The following ARHGAP22 variants were observed in gnomAD, a reference collection of about 807,000 sequenced individuals.
The protein encoded by ARHGAP22 is Rho GTPase activating protein 22.
Under a neutral mutation model 59.1 loss-of-function variants are expected in ARHGAP22, and 48 were observed. That is an observed-to-expected ratio of 0.81 (90% CI 0.64 to 1.03). ARHGAP22 has a LOEUF of 1.03. Ranked by LOEUF, ARHGAP22 falls within the 50% of genes least tolerant of loss-of-function variation. The pLI is 0.00. For synonymous variants in ARHGAP22, 445 were observed against 416.4 expected, an observed-to-expected ratio of 1.07 and a Z score of -0.84; for missense variants, 1,015 against 958.7, an observed-to-expected ratio of 1.06 and a Z score of -0.78.
At chr10:48,546,637 T>G (rs1197651163) in intron 3 of ARHGAP22, 2 of 171,308 alleles carry the variant, frequency 1.2e-5, no homozygotes. Flanking sequence ...TGTACATTTC[T>G]GGTGGCTCTG....
intron 4 of ARHGAP22, among the ~76,000 whole-genome samples, chr10:48,475,249 CT>C (rs1191969537): frequency 1.3e-5 from 2 of 152,168 alleles, no homozygotes; most frequent in Non-Finnish European, 2.9e-5. Context: ...CTCAGGGTGG[CT>C]TCTGGCTCTC....
intron 4 of ARHGAP22, among the ~76,000 whole-genome samples, chr10:48,475,137 C>T (rs2048590425): frequency 6.6e-6 from 1 of 152,200 alleles, no homozygotes; most frequent in Non-Finnish European, 1.5e-5. Context: ...CCACAAAAGC[C>T]CCTTTGCTCA....
chr10:48,605,143 CGGGGCGGGGCCGAGA>C (rs1417040121), upstream of ARHGAP22: 48 of 991,134 alleles, frequency 4.8e-5, no homozygotes, highest in Admixed American at 9.9e-5. Flanking sequence ...AGCGCGGGGG[CGGGGCGGGGCCGAGA>C]GGGGCGGGGC....
downstream of ARHGAP22, among the ~76,000 whole-genome samples, chr10:48,441,732 G>C (rs934780341): frequency 7.9e-5 from 12 of 152,162 alleles, no homozygotes; most frequent in Admixed American, 5.9e-4. Context: ...GATTACAGGC[G>C]TGAGCCACCG....
At chr10:48,543,885 G>T (rs192039333) in intron 3 of ARHGAP22, among the ~76,000 whole-genome samples, 4 of 152,298 alleles carry the variant, frequency 2.6e-5, no homozygotes, top group African/African-American at 9.6e-5. Context: ...ACTTTGAGAG[G>T]CCAAGGTGGG....
At chr10:48,577,801 GTTTTTTT>G (rs34557935) in intron 2 of ARHGAP22, among the ~76,000 whole-genome samples, 1 of 59,162 alleles carries the variant, frequency 1.7e-5, no homozygotes, top group African/African-American at 6.6e-5. Context: ...CTCTTTTTTG[GTTTTTTT>G]TTTTTTTTTT....
intron 3 of ARHGAP22, among the ~76,000 whole-genome samples, chr10:48,549,829 CCAGGGG>C (rs2056761170): frequency 1.3e-5 from 2 of 152,168 alleles, no homozygotes; most frequent in African/African-American, 4.8e-5. Flanking sequence ...TATCTCTACA[CCAGGGG>C]CAGCCTCTCC....
At chr10:48,482,374 C>T (rs552248066) in intron 3 of ARHGAP22, among the ~76,000 whole-genome samples, 15 of 152,338 alleles carry the variant, frequency 9.8e-5, no homozygotes, top group South Asian at 2.1e-4. Flanking sequence ...ACCAGTGAAC[C>T]TCCATGTGCA....
chr10:48,447,021 T>A (rs972317743), intron 9 of ARHGAP22, among the ~76,000 whole-genome samples: 1 of 151,970 alleles, frequency 6.6e-6, no homozygotes, highest in African/African-American at 2.4e-5. Context: ...CTCCCACAGC[T>A]CCCTGCAGCT....
intron 2 of ARHGAP22, chr10:48,575,342 T>TTTTTTG (rs1268192522): frequency 1.3e-5 from 2 of 152,340 alleles, no homozygotes; most frequent in East Asian, 3.9e-4. Context: ...CAACATTTTA[T>TTTTTTG]TTTTTGTTTT....
At chr10:48,469,921 T>C (rs1203712091) in intron 4 of ARHGAP22, among the ~76,000 whole-genome samples, 2 of 152,226 alleles carry the variant, frequency 1.3e-5, no homozygotes, top group African/African-American at 4.8e-5. Flanking sequence ...GCCGACTAGG[T>C]TGAAATGCCA....
In ARHGAP22 at chr10:48,451,383, G is replaced by A. The variant is rs80068542; in HGVS notation, c.989-243C>T. Reference sequence around the variant, plus strand: ...GCACAGAGCCGCAAGCAGGGAGGAAGCACTGTGCCTGCGCTCACGCCCTCC... The same window carrying A: ...GCACAGAGCCGCAAGCAGGGAGGAAACACTGTGCCTGCGCTCACGCCCTCC... On this transcript the variant is annotated intron_variant, in intron 8 of 9. Transcript: ENST00000249601. 3.9e-3 allele frequency: 2,791 copies of A among 714,046 alleles called. 63 individuals carry two copies. In the African/African-American group the frequency reaches 0.041, roughly 11 times the overall value. The allele number at this position is 714,046 out of a possible 1,614,324, so 44.2% of individuals were successfully genotyped here.
intron 3 of ARHGAP22, among the ~76,000 whole-genome samples, chr10:48,499,141 C>A (rs1225938881): frequency 1.3e-5 from 2 of 152,212 alleles, no homozygotes; most frequent in Non-Finnish European, 2.9e-5. Context: ...GTGCTGGGGC[C>A]CCGAATCACC....
intron 3 of ARHGAP22, among the ~76,000 whole-genome samples, chr10:48,498,925 G>A (rs138188132): frequency 3.9e-5 from 6 of 152,284 alleles, no homozygotes; most frequent in African/African-American, 1.4e-4. Context: ...CAGCCACCGA[G>A]ACCCAAGGGG....
At chr10:48,564,769 G>A (rs2057942364) in intron 2 of ARHGAP22, among the ~76,000 whole-genome samples, 1 of 152,208 alleles carries the variant, frequency 6.6e-6, no homozygotes, top group Admixed American at 6.5e-5. Flanking sequence ...AGCATTTAGG[G>A]TGACAGTCCC....
At chr10:48,512,082 C>G (rs2134561536) in intron 3 of ARHGAP22, among the ~76,000 whole-genome samples, 1 of 152,234 alleles carries the variant, frequency 6.6e-6, no homozygotes, top group East Asian at 1.9e-4. Flanking sequence ...CCTGGATAGG[C>G]TGAAGCCACA....
intron 3 of ARHGAP22, among the ~76,000 whole-genome samples, chr10:48,505,971 A>G (rs950835344): frequency 1.3e-5 from 2 of 152,146 alleles, no homozygotes; most frequent in African/African-American, 4.8e-5. Flanking sequence ...CATTTGTTGA[A>G]CCACAAAATC....
chr10:48,565,039 G>T (rs187084594), intron 2 of ARHGAP22, among the ~76,000 whole-genome samples: 2 of 152,326 alleles, frequency 1.3e-5, no homozygotes, highest in African/African-American at 4.8e-5. Flanking sequence ...CTAGTCAGAT[G>T]TCTCACACCC....
intron 2 of ARHGAP22, among the ~76,000 whole-genome samples, chr10:48,582,101 C>T (rs2059153575): frequency 6.6e-6 from 1 of 152,152 alleles, no homozygotes. Flanking sequence ...TCCCAGAGTC[C>T]CCTCTCTGCC....
Sources: allele counts gnomAD v4.1 joint callset (sites outside exome capture counted in the v4.1 genomes callset), GRCh38; gene constraint gnomAD v4.1.1; transcripts MANE v1.5; gene names NCBI Gene and HGNC (gene_info 2026-07-23, HGNC 2026-07-21).